NEDD1: variants seen among roughly 807,000 people sequenced by gnomAD.
NEDD1 encodes the protein NEDD1 gamma-tubulin ring complex targeting factor.
A neutral mutation model predicts 74.0 loss-of-function variants in NEDD1; 33 were observed. The observed-to-expected ratio is 0.45, with a 90% CI of 0.34 to 0.60. The LOEUF (loss-of-function observed/expected upper bound fraction) is 0.60. Among genes scored for constraint, NEDD1 ranks in the 20% least tolerant of loss-of-function variants. The pLI is 0.01. For synonymous variants in NEDD1, 250 were observed against 264.4 expected (o/e 0.95, Z 0.53); for missense variants, 746 against 776.5 (o/e 0.96, Z 0.47).
At position 96,935,089 on chromosome 12, in the gene NEDD1, T is replaced by C; in HGVS notation, c.603T>C (p.Phe201=). Residue 201 remains phenylalanine (F), a synonymous_variant, in exon 7 of 16, where the codon TTT becomes TTC. Coordinates refer to ENST00000266742, the MANE Select transcript of NEDD1 (RefSeq NM_152905.4). ...DVNSQSPYHN[F]DSVHKAPASG... ...ATAGTCAGAGTCCATACCATAACTT[T>C]GACAGTGTACACAAAGCTCCAGCGT... is the stretch of plus-strand genomic sequence containing the variant. 1 of 1,612,204 alleles carries C rather than the reference T, an allele frequency of 6.2e-7. No homozygotes were observed. Among genetic ancestry groups the C allele is most frequent in the East Asian group, 2.2e-5 (1 of 44,872 alleles).
chr12:96,932,463 A>AAAAAAAAAAAAAAAATATATATATAT, intron 6 of NEDD1, among the ~76,000 whole-genome samples: 1 of 9,434 alleles, frequency 1.1e-4, no homozygotes, highest in Non-Finnish European at 2.0e-4. Flanking sequence ...AAAAAAAAAA[A>AAAAAAAAAAAAAAAATATATATATAT]ATATATATAT....
chr12:96,907,757 C>A lies in NEDD1; in HGVS notation c.-108C>A. ...GCCGCTGTCCCTAAACCCAGGCCGA[C>A]GTTACCGCCTTGTGTCCTGACTGCT... On this transcript the variant is annotated 5_prime_UTR_variant, in exon 2 of 16. Coordinates refer to ENST00000266742, the MANE Select transcript of NEDD1 (RefSeq NM_152905.4). 2.0e-6 allele frequency: 3 copies of A among 1,536,146 alleles called. No homozygotes were observed. In the South Asian group the frequency reaches 3.6e-5, roughly 19 times the overall value.
chr12:96,938,830 C>G (rs199732274), intron 9 of NEDD1, among the ~76,000 whole-genome samples: 2 of 45,446 alleles, frequency 4.4e-5, no homozygotes, highest in African/African-American at 1.8e-4. Flanking sequence ...TTCTCTCTCT[C>G]TCTCTCACAC....
intron 6 of NEDD1, among the ~76,000 whole-genome samples, chr12:96,921,514 G>A (rs1259801891): frequency 1.3e-5 from 2 of 152,016 alleles, no homozygotes; most frequent in African/African-American, 4.8e-5. Context: ...CACATTATTG[G>A]TGGAACCATG....
In NEDD1 at chr12:96,945,846, TTAGG is replaced by T; in HGVS notation, c.1811+1_1811+4del. On this transcript the variant is annotated splice_donor_variant and coding_sequence_variant, in exon 14 of 16. Coordinates refer to ENST00000266742, the MANE Select transcript of NEDD1 (RefSeq NM_152905.4). LOFTEE classifies it high-confidence loss of function. ...ATGATACAGGAAACGTTGGATGACT[TTAGG>T]TAGTAATTGAGAAACTACTCCTTCT... 6.2e-7 allele frequency: 1 copy of T among 1,603,656 alleles called. No individual in the cohort carries two copies. The highest frequency in any genetic ancestry group is 8.5e-7 in the Non-Finnish European group (1 of 1,171,736).
chr12:96,915,543 A>AC (rs1365817315), intron 4 of NEDD1, among the ~76,000 whole-genome samples: 1 of 152,206 alleles, frequency 6.6e-6, no homozygotes, highest in Non-Finnish European at 1.5e-5. Context: ...GCCTAAACCT[A>AC]CATAGCTTGC....
rs1399706589 is a variant in NEDD1, at chr12:96,952,881, TC to T, written c.*829del. On this transcript the variant is annotated 3_prime_UTR_variant, in exon 16 of 16. Coordinates refer to ENST00000266742, the MANE Select transcript of NEDD1 (RefSeq NM_152905.4). The stretch of plus-strand genomic sequence containing the variant: ...AAATATTATAGTATTATTTCTATTT[TC>T]TTTTTCCAAATAAGAAGCTTGGATT... 1.3e-5 allele frequency: 2 copies of T among 151,276 alleles called. No homozygotes were observed. Among genetic ancestry groups the T allele is most frequent in the Non-Finnish European group, 3.0e-5 (2 of 67,698 alleles). The allele number at this position is 151,276 out of a possible 1,614,324, so 9.4% of individuals were successfully genotyped here.
Position 96,930,156 on chromosome 12 carries a change from AACACACACACACACACACACACACAC to A in NEDD1, c.490-4789_490-4764del, listed in dbSNP as rs61405089. Among the ~76,000 whole-genome samples the A allele has an allele frequency of 5.2e-3, 487 of 93,618 alleles. 2 individuals are homozygous for A. Among genetic ancestry groups the A allele is most frequent in the Middle Eastern group, 0.019 (3 of 162 alleles). The allele number at this position is 93,618 out of a possible 152,430, so 61.4% of individuals were successfully genotyped here. A position where few individuals can be genotyped will look rare whatever the true frequency, so the allele number is the denominator to read the frequency against. On this transcript the variant is annotated intron_variant, in intron 6 of 15. Coordinates refer to ENST00000266742, the MANE Select transcript of NEDD1 (RefSeq NM_152905.4). ...TCATCTAGTTTATTATCTGTTGTAA[AACACACACACACACACACACACACAC>A]ACACACACACACACACACACACACA...
rs1402237058 is a variant in NEDD1, at chr12:96,943,551, CT to C, written c.1295-5del. 3.1e-6 allele frequency: 5 copies of C among 1,608,356 alleles called. No homozygotes were observed. The South Asian group carries it at 3.3e-5, about 11-fold the overall frequency. ...CACCATATGCACATGCAGTTTTTCC[CT>C]TTTCCAGGCTTTGACTTTCTACCGC... On this transcript the variant is annotated splice_region_variant and splice_polypyrimidine_tract_variant and intron_variant, in intron 11 of 15. Coordinates refer to ENST00000266742, the MANE Select transcript of NEDD1 (RefSeq NM_152905.4).
chr12:96,913,975 C>T (rs753112802), intron 4 of NEDD1, among the ~76,000 whole-genome samples: 5 of 152,184 alleles, frequency 3.3e-5, no homozygotes, highest in Non-Finnish European at 7.3e-5. Context: ...TATCAATCCT[C>T]TCCTAAAGGT....
intron 4 of NEDD1, among the ~76,000 whole-genome samples, chr12:96,916,230 T>TTATTA (rs1555200659): frequency 6.2e-5 from 9 of 145,420 alleles, no homozygotes; most frequent in Non-Finnish European, 1.2e-4. Context: ...CCGTTGAAGA[T>TTATTA]TTATTATTAT....
intron 12 of NEDD1, among the ~76,000 whole-genome samples, chr12:96,944,038 G>T (rs944865011): frequency 6.6e-6 from 1 of 152,046 alleles, no homozygotes; most frequent in African/African-American, 2.4e-5. Context: ...CTTTTAAAGT[G>T]TATTTCATTG....
intron 3 of NEDD1, among the ~76,000 whole-genome samples, chr12:96,911,893 CTAAT>C (rs942420213): frequency 2.0e-4 from 30 of 152,230 alleles, no homozygotes; most frequent in African/African-American, 5.8e-4. Flanking sequence ...TTCTGAGTGT[CTAAT>C]TAACCTTTCT....
chr12:96,916,399 T>TC (rs1199506253), intron 4 of NEDD1, among the ~76,000 whole-genome samples: 2 of 75,146 alleles, frequency 2.7e-5, no homozygotes, highest in Non-Finnish European at 5.0e-5. Context: ...ATGCTATCCC[T>TC]CCCCCCTCCC....
intron 6 of NEDD1, 137 bp from the exon 7 acceptor site, chr12:96,934,839 A>C (rs1321099281): frequency 7.7e-6 from 5 of 645,212 alleles, no homozygotes; most frequent in Non-Finnish European, 1.1e-5. Context: ...CGTCTGGCTG[A>C]AACCTGTCAC....
Position 96,944,774 on chromosome 12 carries a change from A to G in NEDD1, c.1633A>G (p.Ile545Val), listed in dbSNP as rs781342056. The G allele has an allele frequency of 1.7e-5, 27 of 1,566,134 alleles. No individual in the cohort carries two copies. In the East Asian group the frequency reaches 2.8e-4, roughly 16 times the overall value. The change falls in exon 13 of 16, where the codon ATC becomes GTC. Residue 545 changes from isoleucine (I) to valine (V), a missense_variant. Physicochemically the swap from Ile to Val is conservative, Grantham distance 29 (BLOSUM62 3). Around this residue, in one of 3 missense-constraint regions of NEDD1, gnomAD observed 706 missense variants for 706.7 expected, o/e 1.00. Coordinates refer to ENST00000266742, the MANE Select transcript of NEDD1 (RefSeq NM_152905.4). ...IEAQLICEPP[I>V]NGSSTPNPKI... ...AGCCCAGTTGATATGTGAACCCCCA[A>G]TCAATGGATCCTCAACTCCAAGTAA...
Position 96,945,855 on chromosome 12 carries a change from A to G in NEDD1, c.1811+6A>G. The G allele has an allele frequency of 1.3e-6, 2 of 1,589,286 alleles. No homozygotes were observed. Among genetic ancestry groups the G allele is most frequent in the Non-Finnish European group, 1.7e-6 (2 of 1,159,732 alleles). ...GAAACGTTGGATGACTTTAGGTAGT[A>G]ATTGAGAAACTACTCCTTCTATCTA... On this transcript the variant is annotated splice_donor_region_variant and intron_variant, in intron 14 of 15. Transcript: ENST00000266742.
At chr12:96,914,614 C>T (rs1236288524) in intron 4 of NEDD1, among the ~76,000 whole-genome samples, 21 of 152,142 alleles carry the variant, frequency 1.4e-4, no homozygotes, top group Admixed American at 1.3e-3. Flanking sequence ...TCCAAGTCCT[C>T]TTACTCGTGT....
intron 5 of NEDD1, among the ~76,000 whole-genome samples, chr12:96,918,292 C>T (rs190912330): frequency 4.6e-5 from 7 of 151,786 alleles, no homozygotes; most frequent in African/African-American, 1.7e-4. Context: ...TAAAAATATT[C>T]AGCACAAGAA....
Sources: allele counts gnomAD v4.1 joint callset (sites outside exome capture counted in the v4.1 genomes callset), GRCh38; gene constraint gnomAD v4.1.1; regional missense constraint gnomAD v4.1.1; transcripts MANE v1.5; gene names NCBI Gene and HGNC (gene_info 2026-07-23, HGNC 2026-07-21).